Variants in EPHA6 observed in about 807,000 individuals in gnomAD.
EPHA6 encodes ephrin type-A receptor 6.
EPHA6 carries 50 observed loss-of-function variants against 112.0 expected under a neutral mutation model. The ratio of observed to expected loss-of-function variants is 0.45; its 90% CI spans 0.36 to 0.56. The LOEUF is 0.56. EPHA6 is among the 20% of genes least tolerant of loss of function. The probability of loss-of-function intolerance (pLI) is 0.00; values close to 1 mark genes in which losing one functional copy is unlikely to be tolerated. For synonymous variants in EPHA6, 529 were observed against 490.7 expected, an observed-to-expected ratio of 1.08 and a Z score of -1.03; for missense variants, 1,280 against 1,417.4, an observed-to-expected ratio of 0.90 and a Z score of 1.56.
At position 96,915,013 on chromosome 3, in the gene EPHA6, G is replaced by C. The variant is rs546582967; in HGVS notation, c.450+48124G>C. Among the ~76,000 whole-genome samples, 11 of 148,466 alleles carry C rather than the reference G, an allele frequency of 7.4e-5. No homozygotes were observed. The East Asian group carries it at 2.1e-3, about 29-fold the overall frequency. ...TAGTAATTAAATATTAAATACTACTGTGATATTATTATTTAATATTATTAT... is the reference window on the plus strand; with the variant it reads ...TAGTAATTAAATATTAAATACTACTCTGATATTATTATTTAATATTATTAT... On this transcript the variant is annotated intron_variant, in intron 2 of 17. Coordinates refer to ENST00000389672, the MANE Select transcript of EPHA6 (RefSeq NM_001080448.3).
intron 5 of EPHA6, among the ~76,000 whole-genome samples, chr3:97,346,891 A>G (rs190577234): frequency 6.6e-6 from 1 of 152,214 alleles, no homozygotes; most frequent in East Asian, 1.9e-4. Context: ...CCTGCCTTAT[A>G]TCTTCTCTTG....
chr3:97,120,913 C>T (rs2048023256), intron 3 of EPHA6, among the ~76,000 whole-genome samples: 1 of 151,832 alleles, frequency 6.6e-6, no homozygotes, highest in South Asian at 2.1e-4. Flanking sequence ...TTCTAAAAAA[C>T]ATTTAATATA....
chr3:97,323,527 G>T (rs1247646619), intron 5 of EPHA6, among the ~76,000 whole-genome samples: 1 of 151,734 alleles, frequency 6.6e-6, no homozygotes, highest in African/African-American at 2.4e-5. Context: ...TAGTACTCAG[G>T]TCTGTTTCTA....
intron 6 of EPHA6, among the ~76,000 whole-genome samples, chr3:97,430,969 C>T (rs757655689): frequency 2.0e-5 from 3 of 151,942 alleles, no homozygotes; most frequent in Non-Finnish European, 4.4e-5. Flanking sequence ...AGAATCCGTA[C>T]TGATTCTATA....
rs1313895953 is a variant in EPHA6 at position 97,756,495 on chromosome 3, G to A, written c.*7794G>A. On this transcript the variant is annotated 3_prime_UTR_variant, in exon 18 of 18. Coordinates refer to ENST00000389672, the MANE Select transcript of EPHA6 (RefSeq NM_001080448.3). ...TGGAGCTTTTCAAAATTGCTGCTCT[G>A]CATGGAAAGTAAGGTTTAATGTGTA... 2.0e-5 allele frequency among the ~76,000 whole-genome samples: 3 copies of A among 151,892 alleles called. No individual in the cohort carries two copies. Among genetic ancestry groups the A allele is most frequent in the Non-Finnish European group, 4.4e-5 (3 of 67,808 alleles).
rs1438512284 is a variant in EPHA6, at chr3:97,585,827, A to G, written c.2387-6785A>G. Among the ~76,000 whole-genome samples the G allele has an allele frequency of 3.0e-3, 460 of 152,122 alleles. 4 individuals carry two copies. The highest frequency in any genetic ancestry group is 0.011 in the African/African-American group (443 of 41,374). ...CAGTCCCTGAAAATAATATTGTCAT[A>G]TCAAAAATTATTTGATTTTCTATTT... On this transcript the variant is annotated intron_variant, in intron 11 of 17. Transcript: ENST00000389672.
intron 5 of EPHA6, among the ~76,000 whole-genome samples, chr3:97,367,870 T>TA (rs910312126): frequency 3.3e-5 from 5 of 152,080 alleles, no homozygotes; most frequent in East Asian, 1.9e-4. Flanking sequence ...CATATTGTCC[T>TA]AAAAAAAGTC....
chr3:96,978,312 A>G (rs1018006676), intron 2 of EPHA6, among the ~76,000 whole-genome samples: 11 of 152,180 alleles, frequency 7.2e-5, no homozygotes, highest in Non-Finnish European at 1.2e-4. Flanking sequence ...TTGCTGTTTC[A>G]GAGGTGGCAG....
intron 2 of EPHA6, among the ~76,000 whole-genome samples, chr3:96,948,940 G>C (rs2041408262): frequency 6.6e-6 from 1 of 152,162 alleles, no homozygotes; most frequent in East Asian, 1.9e-4. Context: ...TAAGTTGTGA[G>C]TGACTGGGAC....
intron 5 of EPHA6, among the ~76,000 whole-genome samples, chr3:97,336,483 A>T (rs2083061710): frequency 6.6e-6 from 1 of 152,182 alleles, no homozygotes; most frequent in African/African-American, 2.4e-5. Context: ...TGTGAGGGAA[A>T]GTAGTAGAGC....
intron 3 of EPHA6, among the ~76,000 whole-genome samples, chr3:97,192,908 A>T (rs557081463): frequency 2.6e-5 from 4 of 152,066 alleles, no homozygotes; most frequent in African/African-American, 9.7e-5. Context: ...CCTTTCCCCA[A>T]TGTGGGTTCT....
At chr3:97,063,545 A>G (rs530101929) in intron 3 of EPHA6, among the ~76,000 whole-genome samples, 3 of 152,182 alleles carry the variant, frequency 2.0e-5, no homozygotes, top group South Asian at 4.1e-4. Context: ...ACTTAGGCCT[A>G]TGGTGGGGAA....
chr3:97,324,409 C>CTTTCTTTCTTTCTTTCTT (rs2082274905), intron 5 of EPHA6, among the ~76,000 whole-genome samples: 2 of 98,180 alleles, frequency 2.0e-5, no homozygotes, highest in African/African-American at 8.1e-5. Flanking sequence ...TCCTTCTTTT[C>CTTTCTTTCTTTCTTTCTT]TTTCTTTCTT....
At chr3:97,066,299 C>G (rs1375472519) in intron 3 of EPHA6, among the ~76,000 whole-genome samples, 1 of 151,848 alleles carries the variant, frequency 6.6e-6, no homozygotes, top group Non-Finnish European at 1.5e-5. Flanking sequence ...ACAGAAGCTA[C>G]ACAGAATATA....
rs569626378 is a variant in EPHA6 at position 97,614,389 on chromosome 3, T to C, written c.2574+3535T>C. Among the ~76,000 whole-genome samples, 6 of 149,132 alleles carry C rather than the reference T, an allele frequency of 4.0e-5. No homozygotes were observed. The East Asian group carries it at 7.9e-4, about 20-fold the overall frequency. ...CTTGCTCTGTCACCAGGCTGGAGTGTAGTGGCACGATCTTGGCTCACTGCA... is the reference window on the plus strand; with the variant it reads ...CTTGCTCTGTCACCAGGCTGGAGTGCAGTGGCACGATCTTGGCTCACTGCA... On this transcript the variant is annotated intron_variant, in intron 13 of 17. Coordinates refer to ENST00000389672, the MANE Select transcript of EPHA6 (RefSeq NM_001080448.3).
chr3:97,684,935 T>C (rs1245747058), intron 14 of EPHA6, among the ~76,000 whole-genome samples: 4 of 152,228 alleles, frequency 2.6e-5, no homozygotes, highest in African/African-American at 9.6e-5. Context: ...CCCATACCTT[T>C]GTTGTCACCT....
intron 2 of EPHA6, among the ~76,000 whole-genome samples, chr3:96,946,520 C>T (rs1210360915): frequency 1.3e-5 from 2 of 152,114 alleles, no homozygotes; most frequent in African/African-American, 2.4e-5. Flanking sequence ...TTTTTTATGG[C>T]TGCATAGTAT....
chr3:96,961,927 A>G (rs2041959606), intron 2 of EPHA6, among the ~76,000 whole-genome samples: 1 of 152,206 alleles, frequency 6.6e-6, no homozygotes, highest in Middle Eastern at 3.2e-3. Context: ...AGTGATACAG[A>G]AAAAGGATGA....
chr3:97,189,923 CTACAGAATCCCATGT>C (rs2077255411), intron 3 of EPHA6, among the ~76,000 whole-genome samples: 1 of 152,036 alleles, frequency 6.6e-6, no homozygotes, highest in Admixed American at 6.6e-5. Flanking sequence ...GAATCCCATG[CTACAGAATCCCATGT>C]AGATCTCCCT....
Sources: gnomAD v4.1 joint callset for allele counts (sites outside exome capture counted in the v4.1 genomes callset) on GRCh38, gnomAD v4.1.1 for gene constraint, MANE v1.5 for transcripts, NCBI Gene and HGNC (gene_info 2026-07-23, HGNC 2026-07-21) for gene names.